SOX5: variants seen among roughly 807,000 people sequenced by gnomAD.
The protein encoded by SOX5 is SRY-box transcription factor 5.
In SOX5, 9 loss-of-function variants were observed where a neutral mutation model predicts 92.0. That is an observed-to-expected ratio of 0.10 (90% CI 0.06 to 0.17). SOX5 has a LOEUF of 0.17. SOX5 is among the 10% of genes least tolerant of loss of function. The probability of loss-of-function intolerance (pLI) is 1.00; values close to 1 mark genes in which losing one functional copy is unlikely to be tolerated. For missense variants in SOX5, 642 were observed against 944.5 expected (o/e 0.68, Z 4.20); for synonymous variants, 344 against 336.3 (o/e 1.02, Z -0.25).
chr12:24,097,359 CA>C (rs1467098582), intron 4 of SOX5, among the ~76,000 whole-genome samples: 1 of 152,062 alleles, frequency 6.6e-6, no homozygotes, highest in Non-Finnish European at 1.5e-5. Flanking sequence ...GCAGCATAAA[CA>C]TTTTGTTTTT....
rs372685561 is a variant in SOX5, at chr12:24,557,443, G to GA, written c.-251+4885dup. Among the ~76,000 whole-genome samples, 23 of 149,958 alleles carry GA rather than the reference G, an allele frequency of 1.5e-4. No homozygotes were observed. In the South Asian group the frequency reaches 3.0e-3, roughly 20 times the overall value. On this transcript the variant is annotated intron_variant, in intron 1 of 4. Transcript: ENST00000446891. ...AGAAAGAAAGAAAAAAAGAGGTTAA[G>GA]AAAAAAAAGGAGGTAGAACCCTGTA...
intron 9 of SOX5, among the ~76,000 whole-genome samples, chr12:23,586,894 A>G (rs905681751): frequency 4.0e-5 from 6 of 150,734 alleles, no homozygotes; most frequent in Non-Finnish European, 7.4e-5. Flanking sequence ...AAGGCACAGT[A>G]TAGGTCTATT....
At chr12:23,765,507 C>A (rs900127319) in intron 3 of SOX5, among the ~76,000 whole-genome samples, 3 of 150,146 alleles carry the variant, frequency 2.0e-5, no homozygotes, top group Admixed American at 2.0e-4. Flanking sequence ...TTAAAGGAAG[C>A]CTGGATACAC....
intron 4 of SOX5, among the ~76,000 whole-genome samples, chr12:24,186,938 T>TGA (rs11375866): frequency 3.3e-5 from 5 of 151,898 alleles, no homozygotes; most frequent in South Asian, 2.1e-4. Flanking sequence ...TAAAACACAT[T>TGA]AAAAAAAAGT....
At chr12:24,012,047 TCA>T (rs1302415484) in intron 4 of SOX5, among the ~76,000 whole-genome samples, 1 of 152,150 alleles carries the variant, frequency 6.6e-6, no homozygotes, top group Non-Finnish European at 1.5e-5. Context: ...TAGCCACAGA[TCA>T]CTTTTGCTAA....
chr12:23,612,225 A>G (rs2076053828), intron 8 of SOX5, among the ~76,000 whole-genome samples: 1 of 152,070 alleles, frequency 6.6e-6, no homozygotes, highest in African/African-American at 2.4e-5. Context: ...AATATGTAAA[A>G]TTTATTGATA....
At chr12:24,107,672 C>G (rs572204427) in intron 4 of SOX5, among the ~76,000 whole-genome samples, 2 of 152,172 alleles carry the variant, frequency 1.3e-5, no homozygotes, top group East Asian at 3.9e-4. Context: ...GCATCTTTAA[C>G]GTAAGAGGAT....
chr12:24,121,946 T>A (rs1221411348), intron 4 of SOX5, among the ~76,000 whole-genome samples: 2 of 145,914 alleles, frequency 1.4e-5, no homozygotes, highest in Non-Finnish European at 3.0e-5. Flanking sequence ...ATAAATCTGG[T>A]AGTGGCAGAC....
At chr12:23,674,336 ATTTT>A (rs34975795) in intron 6 of SOX5, among the ~76,000 whole-genome samples, 2 of 97,380 alleles carry the variant, frequency 2.1e-5, no homozygotes, top group East Asian at 2.8e-4. Flanking sequence ...ATAAAAAGGA[ATTTT>A]TTTTTTTTTT....
intron 2 of SOX5, among the ~76,000 whole-genome samples, chr12:24,319,923 T>C (rs1245994992): frequency 6.6e-6 from 1 of 152,190 alleles, no homozygotes; most frequent in Non-Finnish European, 1.5e-5. Flanking sequence ...CCTGACAAAC[T>C]TAACAATTCC....
At chr12:24,082,878 G>A (rs1016951595) in intron 4 of SOX5, among the ~76,000 whole-genome samples, 4 of 151,700 alleles carry the variant, frequency 2.6e-5, no homozygotes, top group Admixed American at 6.6e-5. Flanking sequence ...ATTATTAGAA[G>A]TATACCTCAT....
At chr12:24,058,502 T>A (rs1431393269) in intron 4 of SOX5, among the ~76,000 whole-genome samples, 1 of 152,186 alleles carries the variant, frequency 6.6e-6, no homozygotes, top group Non-Finnish European at 1.5e-5. Flanking sequence ...CTTGTTTTTA[T>A]ACTAAATACA....
At chr12:24,424,798 GT>G (rs35948858) in intron 1 of SOX5, among the ~76,000 whole-genome samples, 7,150 of 95,950 alleles carry the variant, frequency 0.075, 321 homozygotes, top group East Asian at 0.24. Context: ...TTCTTTGTGA[GT>G]TTTTTTTTTG....
chr12:24,311,150 G>A (rs1425548423), intron 2 of SOX5, among the ~76,000 whole-genome samples: 1 of 152,178 alleles, frequency 6.6e-6, no homozygotes, highest in African/African-American at 2.4e-5. Flanking sequence ...TAGAGGTGGG[G>A]AATATCATAC....
At chr12:24,258,741 G>A (rs921091324) in intron 3 of SOX5, among the ~76,000 whole-genome samples, 1 of 152,144 alleles carries the variant, frequency 6.6e-6, no homozygotes, top group Non-Finnish European at 1.5e-5. Context: ...CAGATACTAG[G>A]TGAGTGCTTT....
At chr12:23,936,861 C>G (rs189399228) in intron 1 of SOX5, among the ~76,000 whole-genome samples, 2 of 151,002 alleles carry the variant, frequency 1.3e-5, no homozygotes, top group East Asian at 3.9e-4. Context: ...TTTCTTTGAA[C>G]CTATGTCTTG....
At chr12:23,759,531 T>G (rs1051354890) in intron 3 of SOX5, among the ~76,000 whole-genome samples, 2 of 152,058 alleles carry the variant, frequency 1.3e-5, no homozygotes, top group African/African-American at 4.8e-5. Context: ...CTCTACTAAC[T>G]GCTAGTTTCC....
At chr12:24,146,309 T>G (rs964634022) in intron 4 of SOX5, among the ~76,000 whole-genome samples, 2 of 152,060 alleles carry the variant, frequency 1.3e-5, no homozygotes, top group African/African-American at 4.8e-5. Flanking sequence ...AAAAATAAAT[T>G]AGAAATTAAT....
chr12:23,808,051 T>C lies in SOX5; in HGVS notation c.481+37932A>G, dbSNP rs531981089. Among the ~76,000 whole-genome samples, 7 of 152,208 alleles carry C rather than the reference T, an allele frequency of 4.6e-5. No homozygotes were observed. In the South Asian group the frequency reaches 1.5e-3, roughly 32 times the overall value. ...ATTATTAATTCAAATATCTCAATAG[T>C]TACCAGAATATGTGCAGAATATATG... On this transcript the variant is annotated intron_variant, in intron 3 of 14. Transcript: ENST00000451604.
Sources: gnomAD v4.1 joint callset for allele counts (sites outside exome capture counted in the v4.1 genomes callset) on GRCh38, gnomAD v4.1.1 for gene constraint, MANE v1.5 for transcripts, NCBI Gene and HGNC (gene_info 2026-07-23, HGNC 2026-07-21) for gene names.